FNDC3A: variants seen among roughly 807,000 people sequenced by gnomAD.
FNDC3A encodes the protein fibronectin type III domain containing 3A, also known as fibronectin type-III domain-containing protein 3A.
Under a neutral mutation model 148.9 loss-of-function variants are expected in FNDC3A, and 32 were observed. The observed-to-expected ratio is 0.21, with a 90% CI of 0.16 to 0.29. The LOEUF is 0.29. Among genes scored for constraint, FNDC3A ranks in the 10% least tolerant of loss-of-function variants. The pLI is 1.00. For synonymous variants in FNDC3A, 472 were observed against 473.6 expected (o/e 1.00, Z 0.04); for missense variants, 1,191 against 1,452.8 (o/e 0.82, Z 2.93).
At position 49,186,119 on chromosome 13, in the gene FNDC3A, G is replaced by A. The variant is rs1413212136; in HGVS notation, c.1756+17G>A. 2.6e-6 allele frequency: 4 copies of A among 1,562,668 alleles called. No individual in the cohort carries two copies. Among genetic ancestry groups the A allele is most frequent in the Non-Finnish European group, 3.5e-6 (4 of 1,143,970 alleles). ...TAACCTGGGGTAAGATATTATGCATGTTTATACATTATTACTTTTGCGTTT... is the reference window on the plus strand; with the variant it reads ...TAACCTGGGGTAAGATATTATGCATATTTATACATTATTACTTTTGCGTTT... On this transcript the variant is annotated intron_variant, in intron 15 of 25. Transcript: ENST00000492622.
intron 13 of FNDC3A, among the ~76,000 whole-genome samples, chr13:49,176,412 C>T (rs1885033411): frequency 6.6e-6 from 1 of 151,942 alleles, no homozygotes; most frequent in Non-Finnish European, 1.5e-5. Flanking sequence ...TGTTCTCACT[C>T]ACAAGTGGGA....
chr13:49,126,171 T>C (rs1881681862), intron 4 of FNDC3A, among the ~76,000 whole-genome samples: 3 of 152,140 alleles, frequency 2.0e-5, no homozygotes, highest in Admixed American at 6.5e-5. Context: ...CTGAAGTTAC[T>C]GGCTGCTTGA....
At chr13:49,192,860 A>G (rs1174237700) in intron 19 of FNDC3A, among the ~76,000 whole-genome samples, 1 of 152,222 alleles carries the variant, frequency 6.6e-6, no homozygotes, top group East Asian at 1.9e-4. Context: ...ATTTATGCCT[A>G]CCAGAGAGCA....
intron 2 of FNDC3A, among the ~76,000 whole-genome samples, chr13:49,035,465 A>G (rs1874427317): frequency 1.3e-5 from 2 of 152,072 alleles, no homozygotes; most frequent in African/African-American, 4.8e-5. Context: ...AAAAGTCACT[A>G]CAGTTTACAG....
intron 2 of FNDC3A, among the ~76,000 whole-genome samples, chr13:49,069,072 AT>A (rs1391635919): frequency 2.0e-5 from 3 of 152,228 alleles, no homozygotes; most frequent in Non-Finnish European, 4.4e-5. Flanking sequence ...GTTAAAAAAA[AT>A]GTACTGAAAA....
intron 1 of FNDC3A, among the ~76,000 whole-genome samples, chr13:48,999,148 G>A (rs7329291): frequency 0.58 from 88,813 of 151,836 alleles, 27,433 homozygotes; most frequent in Non-Finnish European, 0.68. Flanking sequence ...TCCACCAAGC[G>A]GAAGGGACAG....
intron 8 of FNDC3A, among the ~76,000 whole-genome samples, chr13:49,153,364 T>C (rs1883443452): frequency 1.3e-5 from 2 of 152,202 alleles, no homozygotes; most frequent in Admixed American, 6.5e-5. Flanking sequence ...TTTGATGGGG[T>C]TGTTTGTTTT....
At chr13:49,079,398 T>C (rs763265604) in intron 3 of FNDC3A, among the ~76,000 whole-genome samples, 9 of 152,086 alleles carry the variant, frequency 5.9e-5, no homozygotes, top group Non-Finnish European at 1.2e-4. Flanking sequence ...TATGGGAGCA[T>C]AGAAGGAGGG....
Position 48,975,928 on chromosome 13 carries a change from A to G in FNDC3A, c.-289A>G, listed in dbSNP as rs1016564176. On this transcript the variant is annotated 5_prime_UTR_variant, in exon 1 of 26. Transcript: ENST00000492622. ...GGGCTCCTCCTCCCGGCTCCGTAGT[A>G]AGCATGGCGGCGGCGGCGTTCGTGG... The G allele has an allele frequency of 6.6e-6, 1 of 151,956 alleles. No individual in the cohort carries two copies. Among genetic ancestry groups the G allele is most frequent in the Non-Finnish European group, 1.5e-5 (1 of 67,998 alleles). The allele number at this position is 151,956 out of a possible 1,614,324, so 9.4% of individuals were successfully genotyped here.
intron 2 of FNDC3A, among the ~76,000 whole-genome samples, chr13:49,043,247 G>C (rs1875090759): frequency 6.6e-6 from 1 of 152,016 alleles, no homozygotes; most frequent in Non-Finnish European, 1.5e-5. Context: ...TTACAGGCGT[G>C]AGCCACTGGA....
intron 6 of FNDC3A, among the ~76,000 whole-genome samples, chr13:49,137,231 G>A (rs546942971): frequency 2.4e-4 from 37 of 152,216 alleles, no homozygotes; most frequent in South Asian, 6.2e-4. Flanking sequence ...TTAGGATAGA[G>A]TATTTTTCAT....
intron 3 of FNDC3A, among the ~76,000 whole-genome samples, chr13:49,105,207 G>A (rs1421975487): frequency 2.0e-5 from 3 of 152,340 alleles, no homozygotes; most frequent in South Asian, 4.1e-4. Context: ...TGGAGGGAAT[G>A]TGAATCAGTG....
intron 4 of FNDC3A, among the ~76,000 whole-genome samples, chr13:49,129,754 G>A (rs531813173): frequency 6.6e-6 from 1 of 152,110 alleles, no homozygotes; most frequent in Non-Finnish European, 1.5e-5. Flanking sequence ...TAATTCATTT[G>A]GTCATCTAGT....
chr13:49,107,098 G>A (rs941994888), intron 3 of FNDC3A, among the ~76,000 whole-genome samples: 3 of 152,192 alleles, frequency 2.0e-5, no homozygotes, highest in African/African-American at 7.2e-5. Context: ...CTGTTTCTTG[G>A]CTTGGATGGT....
Position 49,207,415 on chromosome 13 carries a change from A to G in FNDC3A, c.*20A>G. ...AAGTGAAAATATAACTTTATTTTTT[A>G]ACTCTATTACATTTTATTTTGTCAT... On this transcript the variant is annotated 3_prime_UTR_variant, in exon 26 of 26. Transcript: ENST00000492622. The G allele has an allele frequency of 7.1e-7, 1 of 1,401,284 alleles. No homozygotes were observed. Among genetic ancestry groups the G allele is most frequent in the Middle Eastern group, 1.8e-4 (1 of 5,454 alleles). 86.8% of individuals were successfully genotyped at this position (1,401,284 alleles called of 1,614,324 possible).
intron 24 of FNDC3A, among the ~76,000 whole-genome samples, chr13:49,202,876 T>C (rs1886484642): frequency 6.6e-6 from 1 of 152,182 alleles, no homozygotes; most frequent in South Asian, 2.1e-4. Context: ...CATGGCAGCA[T>C]ATGCCTGTGT....
intron 7 of FNDC3A, among the ~76,000 whole-genome samples, chr13:49,144,348 T>C (rs2137963624): frequency 6.6e-6 from 1 of 152,266 alleles, no homozygotes; most frequent in Admixed American, 6.5e-5. Flanking sequence ...TCCTGTGATT[T>C]AACAGAAGCA....
chr13:49,160,288 A>C (rs1884010652), intron 8 of FNDC3A, among the ~76,000 whole-genome samples: 1 of 152,070 alleles, frequency 6.6e-6, no homozygotes, highest in African/African-American at 2.4e-5. Flanking sequence ...TATTGCCTCA[A>C]CTTCAGAGCC....
Position 49,114,669 on chromosome 13 carries a change from C to G in FNDC3A, c.190C>G (p.Pro64Ala), listed in dbSNP as rs762866432. Residue 64 changes from proline to alanine, a missense_variant, in exon 4 of 26, where the codon CCA becomes GCA. Physicochemically the swap from Pro to Ala is conservative, Grantham distance 27. Coordinates refer to ENST00000492622, the MANE Select transcript of FNDC3A (RefSeq NM_001079673.2). ...FQCITGPAQV[P>A]MMSPNGSVPP... ...GACCCATTCAGGTCCTGCTCAGGTTCCAATGATGTCCCCAAATGGTTCTGT... is the reference window on the plus strand; with the variant it reads ...GACCCATTCAGGTCCTGCTCAGGTTGCAATGATGTCCCCAAATGGTTCTGT... 6.2e-7 allele frequency: 1 copy of G among 1,612,422 alleles called. No homozygotes were observed. Among genetic ancestry groups the G allele is most frequent in the South Asian group, 1.1e-5 (1 of 91,052 alleles).
Sources: gnomAD v4.1 joint callset for allele counts (sites outside exome capture counted in the v4.1 genomes callset) on GRCh38, gnomAD v4.1.1 for gene constraint, MANE v1.5 for transcripts, NCBI Gene and HGNC (gene_info 2026-07-23, HGNC 2026-07-21) for gene names.